The following EPHA8 variants were observed in gnomAD, a reference collection of about 807,000 sequenced individuals.
EPHA8 encodes the protein ephrin type-A receptor 8.
In EPHA8, 58 loss-of-function variants were observed where a neutral mutation model predicts 103.6. The observed-to-expected ratio is 0.56, with a 90% CI of 0.45 to 0.70. The LOEUF is 0.70. EPHA8 is among the 30% of genes least tolerant of loss of function. The pLI is 0.00. For synonymous variants in EPHA8, 559 were observed against 572.5 expected (o/e 0.98, Z 0.34); for missense variants, 1,304 against 1,395.2 (o/e 0.93, Z 1.04).
intron 4 of EPHA8, among the ~76,000 whole-genome samples, 183 bp downstream of exon 4, chr1:22,586,818 C>T (rs1641225638): frequency 6.6e-6 from 1 of 152,078 alleles, no homozygotes; most frequent in South Asian, 2.1e-4. Context: ...GTGGCCTAGA[C>T]CTCTCTGGGC....
At position 22,567,439 on chromosome 1, in the gene EPHA8, T is replaced by C. The variant is rs2124507341; in HGVS notation, c.95-1850T>C. Among the ~76,000 whole-genome samples, 1 of 152,258 alleles carries C rather than the reference T, an allele frequency of 6.6e-6. No homozygotes were observed. Among genetic ancestry groups the C allele is most frequent in the Non-Finnish European group, 1.5e-5 (1 of 68,002 alleles). On this transcript the variant is annotated intron_variant, in intron 1 of 16. Coordinates refer to ENST00000166244, the MANE Select transcript of EPHA8 (RefSeq NM_020526.5). This position sits in a 1 kb window ranked among gnomAD's most constrained non-coding sequence, Gnocchi z 4.2. ...GCAGGCGGGAAGCCTTCTCTCTGCCTCTGCCCCTGGCGTGGGGCCGGCTTG... is the reference window on the plus strand; with the variant it reads ...GCAGGCGGGAAGCCTTCTCTCTGCCCCTGCCCCTGGCGTGGGGCCGGCTTG...
At position 22,588,879 on chromosome 1, in the gene EPHA8, T is replaced by A; in HGVS notation, c.988T>A (p.Ser330Thr). 1.3e-6 allele frequency: 2 copies of A among 1,584,700 alleles called. No individual in the cohort carries two copies. The highest frequency in any genetic ancestry group is 2.3e-5 in the East Asian group (1 of 44,432). ...TCATCCTCTGCCCTCAGGGCCACCC[T>A]CGGCACCAGTGAACCTGATCTCCAG... ...PPSSACTRPP[S>T]APVNLISSVN... Residue 330 changes from serine to threonine, a missense_variant, in exon 5 of 17, where the codon TCG becomes ACG. Physicochemically the swap from Ser to Thr is moderately conservative, Grantham distance 58. Coordinates refer to ENST00000166244, the MANE Select transcript of EPHA8 (RefSeq NM_020526.5).
intron 5 of EPHA8, among the ~76,000 whole-genome samples, chr1:22,591,954 T>C (rs115979381): frequency 7.9e-4 from 120 of 152,270 alleles, no homozygotes; most frequent in African/African-American, 2.6e-3. Context: ...CATTCTCCTG[T>C]TTATTGGACG....
rs762688243 is a variant in EPHA8 at position 22,569,268 on chromosome 1, C to T, written c.95-21C>T. 1 of 1,613,058 alleles carries T rather than the reference C, an allele frequency of 6.2e-7. No individual in the cohort carries two copies. Among genetic ancestry groups the T allele is most frequent in the East Asian group, 2.2e-5 (1 of 44,736 alleles). On this transcript the variant is annotated intron_variant, in intron 1 of 16. Coordinates refer to ENST00000166244, the MANE Select transcript of EPHA8 (RefSeq NM_020526.5). The surrounding 1 kb of genome is among the most constrained non-coding windows in gnomAD (Gnocchi z 4.5). ...GGAGAAGTCAGAGGGGCCTGATGCCCTCTTGTCTCCTGTTTTACAGTGAAT... is the reference window on the plus strand; with the variant it reads ...GGAGAAGTCAGAGGGGCCTGATGCCTTCTTGTCTCCTGTTTTACAGTGAAT...
chr1:22,584,362 A>G (rs954738558), intron 3 of EPHA8, among the ~76,000 whole-genome samples: 3 of 152,138 alleles, frequency 2.0e-5, no homozygotes, highest in Non-Finnish European at 4.4e-5. Flanking sequence ...GAGGGGAGGG[A>G]AAGATGTTGC....
Position 22,597,640 on chromosome 1 carries a change from C to A in EPHA8, c.1931-36C>A, listed in dbSNP as rs1345269720. On this transcript the variant is annotated intron_variant, in intron 10 of 16. Coordinates refer to ENST00000166244, the MANE Select transcript of EPHA8 (RefSeq NM_020526.5). The surrounding 1 kb of genome is among the most constrained non-coding windows in gnomAD (Gnocchi z 4.6). ...CTGGGGGAGTCTGAGGGTCCCACTGCCCTCCCTCCACACCTGCCCCTCTCG... is the reference window on the plus strand; with the variant it reads ...CTGGGGGAGTCTGAGGGTCCCACTGACCTCCCTCCACACCTGCCCCTCTCG... 1.3e-6 allele frequency: 2 copies of A among 1,569,408 alleles called. No homozygotes were observed. Among genetic ancestry groups the A allele is most frequent in the East Asian group, 2.3e-5 (1 of 44,408 alleles).
In EPHA8 at chr1:22,576,862, C is replaced by T. The variant is rs747819394; in HGVS notation, c.805C>T (p.Arg269Trp). Residue 269 changes from arginine (R) to tryptophan (W), a missense_variant, in exon 3 of 17, where the codon CGG (arginine) becomes TGG (tryptophan). Physicochemically the swap from Arg to Trp is moderately radical, Grantham distance 101. Transcript: ENST00000166244. This position sits in a 1 kb window ranked among gnomAD's most constrained non-coding sequence, Gnocchi z 4.8. Reference sequence around the variant, plus strand: ...CGTGTGCAGTGCCGGCTACGAGGAGCGGCGGGATGCCTGTGTGGGTGAGCG... The same window carrying T: ...CGTGTGCAGTGCCGGCTACGAGGAGTGGCGGGATGCCTGTGTGGGTGAGCG... Reference protein sequence around the residue: ...KCVCSAGYEERRDACVACELG... With the variant: ...KCVCSAGYEEWRDACVACELG... The T allele has an allele frequency of 1.9e-6, 3 of 1,593,884 alleles. No individual in the cohort carries two copies. Among genetic ancestry groups the T allele is most frequent in the East Asian group, 2.2e-5 (1 of 44,538 alleles).
In EPHA8 at chr1:22,598,049, A is replaced by G. The variant is rs558557538; in HGVS notation, c.2117-102A>G. On this transcript the variant is annotated intron_variant, in intron 11 of 16. Coordinates refer to ENST00000166244, the MANE Select transcript of EPHA8 (RefSeq NM_020526.5). This position sits in a 1 kb window ranked among gnomAD's most constrained non-coding sequence, Gnocchi z 5.1. ...AAACCCAAGGCACCCTGGGGTTTCC[A>G]GTGCTGGCACAGGTCCTGAGATGGT... The G allele has an allele frequency of 1.4e-6, 2 of 1,454,606 alleles. No individual in the cohort carries two copies. The highest frequency in any genetic ancestry group is 1.9e-6 in the Non-Finnish European group (2 of 1,043,354). 90.1% of individuals were successfully genotyped at this position (1,454,606 alleles called of 1,614,324 possible).
chr1:22,579,195 G>T (rs954021970), intron 3 of EPHA8, among the ~76,000 whole-genome samples: 1 of 150,772 alleles, frequency 6.6e-6, no homozygotes, highest in African/African-American at 2.5e-5. Context: ...GTGAATATAT[G>T]TGTACCTGTG....
At position 22,569,259 on chromosome 1, in the gene EPHA8, C is replaced by T. The variant is rs1252014848; in HGVS notation, c.95-30C>T. 2 of 1,612,276 alleles carry T rather than the reference C, an allele frequency of 1.2e-6. No homozygotes were observed. Among genetic ancestry groups the T allele is most frequent in the South Asian group, 1.1e-5 (1 of 90,946 alleles). On this transcript the variant is annotated intron_variant, in intron 1 of 16. Coordinates refer to ENST00000166244, the MANE Select transcript of EPHA8 (RefSeq NM_020526.5). This position sits in a 1 kb window ranked among gnomAD's most constrained non-coding sequence, Gnocchi z 4.5. Reference sequence around the variant, plus strand: ...AGGAGCTGGGGAGAAGTCAGAGGGGCCTGATGCCCTCTTGTCTCCTGTTTT... The same window carrying T: ...AGGAGCTGGGGAGAAGTCAGAGGGGTCTGATGCCCTCTTGTCTCCTGTTTT...
intron 2 of EPHA8, among the ~76,000 whole-genome samples, chr1:22,573,124 G>A (rs1034858514): frequency 6.6e-6 from 1 of 152,208 alleles, no homozygotes; most frequent in Non-Finnish European, 1.5e-5. Context: ...AGCGGGGTGT[G>A]GAGCAGGGGT....
At chr1:22,587,777 C>T (rs1641258143) in intron 4 of EPHA8, among the ~76,000 whole-genome samples, 1 of 152,238 alleles carries the variant, frequency 6.6e-6, no homozygotes, top group African/African-American at 2.4e-5. Flanking sequence ...CCTCCCTGCA[C>T]ATGGCAGGCG....
At chr1:22,592,667 G>A (rs1345329922) in intron 5 of EPHA8, among the ~76,000 whole-genome samples, 3 of 152,168 alleles carry the variant, frequency 2.0e-5, no homozygotes, top group Non-Finnish European at 4.4e-5. Context: ...CTCGGGGTGA[G>A]CAGAGGGGAG....
In EPHA8 at chr1:22,589,458, T is replaced by C; in HGVS notation, c.1315+252T>C. ...CTAGTGTGGCCGTCGAAAGCCTAGG[T>C]TCCAGAACTTTCCCTCTCTGTGCCT... is the stretch of plus-strand genomic sequence containing the variant. On this transcript the variant is annotated intron_variant, in intron 5 of 16. Transcript: ENST00000166244. This position sits in a 1 kb window ranked among gnomAD's most constrained non-coding sequence, Gnocchi z 4.3. 1 of 1,486,154 alleles carries C rather than the reference T, an allele frequency of 6.7e-7. No homozygotes were observed. The highest frequency in any genetic ancestry group is 1.4e-5 in the South Asian group (1 of 69,774). The allele number at this position is 1,486,154 out of a possible 1,614,324, so 92.1% of individuals were successfully genotyped here. A position where few individuals can be genotyped will look rare whatever the true frequency, so the allele number is the denominator to read the frequency against.
At chr1:22,586,756 C>A in intron 4 of EPHA8, 121 bp downstream of exon 4, 1 of 1,293,148 alleles carries the variant, frequency 7.7e-7, no homozygotes, top group Non-Finnish European at 1.1e-6. Context: ...GGGTGGCTCT[C>A]TTGAGCCAGA....
rs2148266422 is a variant in EPHA8, at chr1:22,597,938, C to CCATCCTG, written c.2116+79_2116+85dup. 2.0e-6 allele frequency: 3 copies of CCATCCTG among 1,534,698 alleles called. No homozygotes were observed. The South Asian group carries it at 3.6e-5, about 19-fold the overall frequency. ...GAGGCCTCTGGGTCCATCCCCTCAT[C>CCATCCTG]CATCCTGCTCTGCCCCACCTGACCC... On this transcript the variant is annotated intron_variant, in intron 11 of 16. Transcript: ENST00000166244. The surrounding 1 kb of genome is among the most constrained non-coding windows in gnomAD (Gnocchi z 4.6).
chr1:22,592,871 G>A (rs1641410823), intron 5 of EPHA8, among the ~76,000 whole-genome samples: 1 of 152,140 alleles, frequency 6.6e-6, no homozygotes, highest in African/African-American at 2.4e-5. Context: ...AACCAAGTGT[G>A]ACTGGGAGAA....
At chr1:22,572,804 T>A (rs1640580237) in intron 2 of EPHA8, among the ~76,000 whole-genome samples, 2 of 152,114 alleles carry the variant, frequency 1.3e-5, no homozygotes, top group African/African-American at 4.8e-5. Flanking sequence ...GCAGCGGAGA[T>A]GAGAGTGGCA....
At chr1:22,574,545 G>A (rs531356174) in intron 2 of EPHA8, among the ~76,000 whole-genome samples, 4 of 152,278 alleles carry the variant, frequency 2.6e-5, no homozygotes, top group South Asian at 2.1e-4. Flanking sequence ...TAGGTACTGC[G>A]TATACATGGA....
Sources: allele counts gnomAD v4.1 joint callset (sites outside exome capture counted in the v4.1 genomes callset), GRCh38; gene constraint gnomAD v4.1.1; non-coding constraint Gnocchi (gnomAD v3.1); transcripts MANE v1.5; gene names NCBI Gene and HGNC (gene_info 2026-07-23, HGNC 2026-07-21).